The following ANKRD31 variants were observed in gnomAD, a reference collection of about 807,000 sequenced individuals.
The protein encoded by ANKRD31 is ankyrin repeat domain 31, also known as ankyrin repeat domain-containing protein 31.
In ANKRD31, 147 loss-of-function variants were observed where a neutral mutation model predicts 186.0. That is an observed-to-expected ratio of 0.79 (90% CI 0.69 to 0.91). The LOEUF (loss-of-function observed/expected upper bound fraction) is 0.91, where lower values mean the gene tolerates loss of function less well. Ranked by LOEUF, ANKRD31 falls within the 40% of genes least tolerant of loss-of-function variation. The pLI is 0.00. For synonymous variants in ANKRD31, 673 were observed against 736.4 expected (o/e 0.91, Z 1.39); for missense variants, 1,986 against 2,148.8 (o/e 0.92, Z 1.50).
Position 75,118,256 on chromosome 5 carries a change from T to C in ANKRD31, c.3918A>G (p.Gln1306=). 1 of 1,518,300 alleles carries C rather than the reference T, an allele frequency of 6.6e-7. No homozygotes were observed. Among genetic ancestry groups the C allele is most frequent in the Non-Finnish European group, 8.8e-7 (1 of 1,142,108 alleles). 94.1% of individuals were successfully genotyped at this position (1,518,300 alleles called of 1,614,324 possible). The part of the protein sequence containing the change: ...ILLQNGANPN[Q]KDQKQKSALD... ...AAGCACTCTTCTGTTTTTGATCTTT[T>C]TGATTAGGGTTTGCTCCATTTTGTA... The change falls in exon 18 of 26, where the codon CAA becomes CAG. Residue 1306 remains glutamine, a synonymous_variant. Coordinates refer to ENST00000506364, the MANE Select transcript of ANKRD31 (RefSeq NM_001372053.1).
At chr5:75,154,570 G>A (rs1357068481) in intron 11 of ANKRD31, among the ~76,000 whole-genome samples, 1 of 151,970 alleles carries the variant, frequency 6.6e-6, no homozygotes, top group Non-Finnish European at 1.5e-5. Flanking sequence ...AAGGAAGAAT[G>A]AAAGGGAGAA....
At chr5:75,147,590 T>A in intron 13 of ANKRD31, 85 bp from the exon 14 acceptor site, 4 of 958,490 alleles carry the variant, frequency 4.2e-6, no homozygotes, top group Non-Finnish European at 4.4e-6. Flanking sequence ...AAATCAACTA[T>A]TATTTGATTC....
intron 23 of ANKRD31, among the ~76,000 whole-genome samples, chr5:75,084,999 C>G (rs1037481253): frequency 1.3e-5 from 2 of 152,094 alleles, no homozygotes; most frequent in African/African-American, 4.8e-5. Context: ...CAGAAATGTT[C>G]TGGGCCCAAG....
In ANKRD31 at chr5:75,236,652, C is replaced by T. The variant is rs770430258; in HGVS notation, c.35G>A (p.Ser12Asn). The change falls in exon 1 of 26, where the codon AGT (serine) becomes AAT (asparagine). Residue 12 changes from serine (S) to asparagine (N), a missense_variant. Coordinates refer to ENST00000506364, the MANE Select transcript of ANKRD31 (RefSeq NM_001372053.1). ...TGAACCCTCTATCACAGTTTCATCA[C>T]TGTCCCAGTCTGGGGCCTGGACGCC... ...EEGVQAPDWDSDETVIEGSVT... is the reference protein window; with the variant it reads ...EEGVQAPDWDNDETVIEGSVT... 74 of 1,537,004 alleles carry T rather than the reference C, an allele frequency of 4.8e-5. No individual in the cohort carries two copies. Among genetic ancestry groups the T allele is most frequent in the East Asian group, 3.2e-4 (13 of 40,814 alleles).
chr5:75,085,629 T>C (rs1487589928), intron 23 of ANKRD31, among the ~76,000 whole-genome samples: 1 of 152,168 alleles, frequency 6.6e-6, no homozygotes, highest in Non-Finnish European at 1.5e-5. Flanking sequence ...CTCGAACTCC[T>C]GACCTCAAAT....
chr5:75,200,400 T>C (rs1755747243), intron 5 of ANKRD31, among the ~76,000 whole-genome samples: 1 of 151,364 alleles, frequency 6.6e-6, no homozygotes, highest in South Asian at 2.1e-4. Flanking sequence ...TGAGTTCAAG[T>C]GATTCTCCTG....
In ANKRD31 at chr5:75,193,317, T is replaced by C. The variant is rs141397522; in HGVS notation, c.1292A>G (p.Asn431Ser). 1 of 1,535,680 alleles carries C rather than the reference T, an allele frequency of 6.5e-7. No homozygotes were observed. Among genetic ancestry groups the C allele is most frequent in the African/African-American group, 1.4e-5 (1 of 73,028 alleles). ...DLTNNNSSAQ[N>S]FRMQDPALMI... ...ACATAATTTCATTGCATACCTGAAATTCTGAGCTGAAGAGTTATTATTTGT... is the reference window on the plus strand; with the variant it reads ...ACATAATTTCATTGCATACCTGAAACTCTGAGCTGAAGAGTTATTATTTGT... Residue 431 changes from asparagine (N) to serine (S), a missense_variant, in exon 8 of 26, where the codon AAT becomes AGT. By Grantham distance (46) the Asn-to-Ser change is conservative. Transcript: ENST00000506364.
At chr5:75,113,700 A>G (rs891730162) in intron 19 of ANKRD31, among the ~76,000 whole-genome samples, 5 of 152,234 alleles carry the variant, frequency 3.3e-5, no homozygotes, top group African/African-American at 1.2e-4. Context: ...ATATTTTAAA[A>G]GTACATAATA....
intron 12 of ANKRD31, among the ~76,000 whole-genome samples, chr5:75,150,311 A>T (rs750262602): frequency 1.3e-5 from 2 of 151,944 alleles, no homozygotes; most frequent in Non-Finnish European, 2.9e-5. Flanking sequence ...AATATATTTT[A>T]TATGAGGAAA....
At chr5:75,068,695 C>T in intron 25 of ANKRD31, 31 bp from the exon 26 acceptor site, 1 of 1,458,172 alleles carries the variant, frequency 6.9e-7, no homozygotes, top group Non-Finnish European at 9.0e-7. Flanking sequence ...AAATTAAAAA[C>T]TGCCCTCTGA....
intron 2 of ANKRD31, among the ~76,000 whole-genome samples, chr5:75,224,176 T>TAC (rs1757499533): frequency 8.4e-6 from 1 of 118,934 alleles, no homozygotes; most frequent in African/African-American, 3.7e-5. Flanking sequence ...TATATATATA[T>TAC]ATACACACAT....
chr5:75,175,597 T>C (rs920551807), intron 10 of ANKRD31, among the ~76,000 whole-genome samples: 1 of 151,740 alleles, frequency 6.6e-6, no homozygotes, highest in African/African-American at 2.4e-5. Flanking sequence ...ATTCATCAAA[T>C]GGCATATTTA....
chr5:75,137,920 A>G lies in ANKRD31; in HGVS notation c.3812T>C (p.Val1271Ala). ...IVELLKAGAK[V>A]NCENIDGILP... is the part of the protein sequence containing the mutation. The stretch of plus-strand genomic sequence containing the variant: ...AATTCCATCTATATTTTCACAATTA[A>G]CCTTAGCACCAGCTTTTAATAACTC... Residue 1271 changes from valine (V) to alanine (A), a missense_variant, in exon 17 of 26, where the codon GTT becomes GCT. Coordinates refer to ENST00000506364, the MANE Select transcript of ANKRD31 (RefSeq NM_001372053.1). 1.3e-6 allele frequency: 2 copies of G among 1,534,130 alleles called. No individual in the cohort carries two copies. The highest frequency in any genetic ancestry group is 1.7e-6 in the Non-Finnish European group (2 of 1,145,402).
intron 1 of ANKRD31, among the ~76,000 whole-genome samples, chr5:75,231,449 A>G (rs1315228013): frequency 6.6e-6 from 1 of 152,170 alleles, no homozygotes; most frequent in Non-Finnish European, 1.5e-5. Flanking sequence ...GAGAGAAGAC[A>G]CACAGTCCTT....
intron 17 of ANKRD31, among the ~76,000 whole-genome samples, chr5:75,127,304 G>A (rs904307076): frequency 2.0e-5 from 3 of 151,956 alleles, no homozygotes; most frequent in Non-Finnish European, 2.9e-5. Context: ...TGATTTTTGT[G>A]CCCCAGGATA....
At chr5:75,075,170 C>T (rs972811181) in intron 25 of ANKRD31, among the ~76,000 whole-genome samples, 1 of 152,130 alleles carries the variant, frequency 6.6e-6, no homozygotes, top group African/African-American at 2.4e-5. Flanking sequence ...TCTGTAAGCC[C>T]CAGTCTGTGC....
At chr5:75,118,010 G>A in intron 18 of ANKRD31, 125 bp downstream of exon 18, 3 of 715,084 alleles carry the variant, frequency 4.2e-6, no homozygotes, top group Non-Finnish European at 5.9e-6. Context: ...AATGGCTTTT[G>A]AAGAGTTTAA....
chr5:75,136,204 ACTAC>A (rs1750561879), intron 17 of ANKRD31, among the ~76,000 whole-genome samples: 1 of 152,218 alleles, frequency 6.6e-6, no homozygotes, highest in South Asian at 2.1e-4. Flanking sequence ...AGCAAAAGAA[ACTAC>A]CATCAGAGTG....
intron 15 of ANKRD31, among the ~76,000 whole-genome samples, chr5:75,140,165 C>G (rs1299356632): frequency 1.3e-5 from 2 of 151,116 alleles, no homozygotes; most frequent in Non-Finnish European, 2.9e-5. Context: ...GACTGCACCA[C>G]TGCACTCCAG....
Sources: gnomAD v4.1 joint callset for allele counts (sites outside exome capture counted in the v4.1 genomes callset) on GRCh38, gnomAD v4.1.1 for gene constraint, MANE v1.5 for transcripts, NCBI Gene and HGNC (gene_info 2026-07-23, HGNC 2026-07-21) for gene names.